PIBF1: variants seen among roughly 807,000 people sequenced by gnomAD.
The protein encoded by PIBF1 is progesterone-induced-blocking factor 1.
A neutral mutation model predicts 112.5 loss-of-function variants in PIBF1; 90 were observed. The ratio of observed to expected loss-of-function variants is 0.80; its 90% CI spans 0.67 to 0.95. PIBF1 has a LOEUF of 0.95. Ranked by LOEUF, PIBF1 falls within the 40% of genes least tolerant of loss-of-function variation. The pLI is 0.00. For missense variants in PIBF1, 915 were observed against 852.3 expected, an observed-to-expected ratio of 1.07 and a Z score of -0.92; for synonymous variants, 301 against 288.6, an observed-to-expected ratio of 1.04 and a Z score of -0.44.
chr13:72,896,635 T>A (rs2040290929), intron 11 of PIBF1, among the ~76,000 whole-genome samples: 1 of 152,094 alleles, frequency 6.6e-6, no homozygotes, highest in Non-Finnish European at 1.5e-5. Flanking sequence ...TGGACATGCT[T>A]TTAAAAATGC....
At chr13:72,931,857 G>A (rs1594221394) in intron 14 of PIBF1, among the ~76,000 whole-genome samples, 1 of 148,608 alleles carries the variant, frequency 6.7e-6, no homozygotes, top group South Asian at 2.1e-4. Flanking sequence ...GTACTACTTT[G>A]CTAATGTTCC....
At chr13:72,939,217 G>A (rs2138807900) in intron 14 of PIBF1, among the ~76,000 whole-genome samples, 2 of 152,208 alleles carry the variant, frequency 1.3e-5, no homozygotes, top group Middle Eastern at 6.8e-3. Flanking sequence ...CTTTGGTTTT[G>A]TGGGTTTTTT....
At chr13:72,795,000 A>G (rs1221604176) in intron 3 of PIBF1, among the ~76,000 whole-genome samples, 1 of 152,212 alleles carries the variant, frequency 6.6e-6, no homozygotes, top group African/African-American at 2.4e-5. Context: ...GATATCCTTG[A>G]AGTATCAGGA....
intron 5 of PIBF1, among the ~76,000 whole-genome samples, chr13:72,814,862 G>C (rs966836230): frequency 6.6e-6 from 1 of 152,176 alleles, no homozygotes; most frequent in Admixed American, 6.5e-5. Flanking sequence ...CAGTTCTATG[G>C]CAGTAAGCTT....
At chr13:72,957,782 A>G (rs935357029) in intron 14 of PIBF1, among the ~76,000 whole-genome samples, 1 of 150,994 alleles carries the variant, frequency 6.6e-6, no homozygotes, top group Non-Finnish European at 1.5e-5. Context: ...CTAAAAAAAG[A>G]AAAAAAAACT....
intron 15 of PIBF1, among the ~76,000 whole-genome samples, chr13:72,966,112 A>G (rs959293865): frequency 2.0e-5 from 3 of 152,324 alleles, no homozygotes; most frequent in Admixed American, 1.3e-4. Context: ...TTAACTGATT[A>G]TCAATGTAAA....
intron 9 of PIBF1, chr13:72,836,098 CAAA>C (rs11382594): frequency 2.8e-5 from 11 of 388,644 alleles, no homozygotes; most frequent in South Asian, 9.2e-5. Flanking sequence ...GACACCATCT[CAAA>C]AAAAAAAAAG....
chr13:72,952,879 T>C lies in PIBF1; in HGVS notation c.1834-12395T>C, dbSNP rs1406347709. Among the ~76,000 whole-genome samples, 4 of 91,620 alleles carry C rather than the reference T, an allele frequency of 4.4e-5. No homozygotes were observed. In the East Asian group the frequency reaches 1.2e-3, roughly 27 times the overall value. The allele number at this position is 91,620 out of a possible 152,430, so 60.1% of individuals were successfully genotyped here. On this transcript the variant is annotated intron_variant, in intron 14 of 17. Transcript: ENST00000326291. ...AAGCTTCTCTCATTCCCTAGTGATG[T>C]GCCCTTAAGAAAAAAAAAAAAAATC...
At chr13:72,857,299 G>A (rs1386755773) in intron 10 of PIBF1, among the ~76,000 whole-genome samples, 2 of 152,166 alleles carry the variant, frequency 1.3e-5, no homozygotes, top group Non-Finnish European at 2.9e-5. Context: ...AGAAGCCATA[G>A]GAGAATGTTT....
chr13:72,801,306 T>C (rs1051977649), intron 5 of PIBF1, among the ~76,000 whole-genome samples: 1 of 151,998 alleles, frequency 6.6e-6, no homozygotes, highest in African/African-American at 2.4e-5. Flanking sequence ...TCAGTAGATA[T>C]ACTGGAAAAT....
intron 11 of PIBF1, among the ~76,000 whole-genome samples, chr13:72,895,103 A>G (rs1448906759): frequency 6.6e-6 from 1 of 152,002 alleles, no homozygotes; most frequent in Non-Finnish European, 1.5e-5. Context: ...TGGCCTGGCA[A>G]CAGAGCAAGA....
At chr13:72,932,185 C>G (rs1049399956) in intron 14 of PIBF1, among the ~76,000 whole-genome samples, 3 of 152,046 alleles carry the variant, frequency 2.0e-5, no homozygotes, top group African/African-American at 7.2e-5. Context: ...CTCAAGCGAT[C>G]CACCTGCCTA....
At chr13:72,885,085 A>G (rs984929253) in intron 10 of PIBF1, among the ~76,000 whole-genome samples, 1 of 152,056 alleles carries the variant, frequency 6.6e-6, no homozygotes, top group Non-Finnish European at 1.5e-5. Context: ...ACTCAGATAG[A>G]GCCTGTCATA....
intron 16 of PIBF1, among the ~76,000 whole-genome samples, chr13:72,988,502 G>C (rs1007999760): frequency 6.6e-6 from 1 of 152,070 alleles, no homozygotes; most frequent in African/African-American, 2.4e-5. Flanking sequence ...AATCTGTTTT[G>C]TCCTTTATGT....
At chr13:72,933,270 C>T (rs902113281) in intron 14 of PIBF1, among the ~76,000 whole-genome samples, 1 of 152,218 alleles carries the variant, frequency 6.6e-6, no homozygotes, top group South Asian at 2.1e-4. Flanking sequence ...GATGCAGTGG[C>T]TCATGCCTAT....
chr13:72,821,527 A>G (rs570475056), intron 5 of PIBF1, among the ~76,000 whole-genome samples: 49 of 152,320 alleles, frequency 3.2e-4, no homozygotes, highest in Admixed American at 7.8e-4. Flanking sequence ...AGCATCTGAT[A>G]GTAACTCAGT....
intron 11 of PIBF1, among the ~76,000 whole-genome samples, chr13:72,897,502 C>G (rs1356878448): frequency 6.6e-6 from 1 of 152,152 alleles, no homozygotes; most frequent in African/African-American, 2.4e-5. Flanking sequence ...CCTAAATGCT[C>G]CACTTAAAAA....
intron 10 of PIBF1, among the ~76,000 whole-genome samples, chr13:72,871,948 C>T (rs1393060017): frequency 6.6e-6 from 1 of 151,968 alleles, no homozygotes; most frequent in Non-Finnish European, 1.5e-5. Flanking sequence ...GCACCCAGTC[C>T]CTGTATCACC....
chr13:72,900,302 C>G (rs1339145137), intron 11 of PIBF1, among the ~76,000 whole-genome samples: 1 of 152,078 alleles, frequency 6.6e-6, no homozygotes, highest in Non-Finnish European at 1.5e-5. Context: ...CAAAGCAAGA[C>G]TAAGCAAAAA....
Sources: allele counts gnomAD v4.1 joint callset (sites outside exome capture counted in the v4.1 genomes callset), GRCh38; gene constraint gnomAD v4.1.1; transcripts MANE v1.5; gene names NCBI Gene and HGNC (gene_info 2026-07-23, HGNC 2026-07-21).